The following RAB11FIP4 variants were observed in gnomAD, a reference collection of about 807,000 sequenced individuals.
RAB11FIP4 encodes RAB11 family interacting protein 4.
RAB11FIP4 carries 23 observed loss-of-function variants against 74.3 expected under a neutral mutation model. That is an observed-to-expected ratio of 0.31 (90% CI 0.22 to 0.44). RAB11FIP4 has a LOEUF of 0.44. Ranked by LOEUF, RAB11FIP4 falls within the 20% of genes least tolerant of loss-of-function variation. The probability of loss-of-function intolerance (pLI) is 1.00; values close to 1 mark genes in which losing one functional copy is unlikely to be tolerated. For missense variants in RAB11FIP4, 630 were observed against 863.9 expected (o/e 0.73, Z 3.39); for synonymous variants, 360 against 359.9 (o/e 1.00, Z 0.00).
intron 10 of RAB11FIP4, 88 bp from the exon 11 acceptor site, chr17:31,527,754 G>A (rs1000962856): frequency 1.1e-6 from 1 of 901,380 alleles, no homozygotes; most frequent in Non-Finnish European, 1.7e-6. Flanking sequence ...TCCTCTGGGA[G>A]GAAGCAGAGA....
chr17:31,531,765 C>A lies in RAB11FIP4; in HGVS notation c.*33C>A. 6.8e-7 allele frequency: 1 copy of A among 1,460,776 alleles called. No homozygotes were observed. Among genetic ancestry groups the A allele is most frequent in the Non-Finnish European group, 9.6e-7 (1 of 1,041,520 alleles). The allele number at this position is 1,460,776 out of a possible 1,614,324, so 90.5% of individuals were successfully genotyped here. A position where few individuals can be genotyped will look rare whatever the true frequency, so the allele number is the denominator to read the frequency against. ...GGCTGGCTGCAGAGCAGCCTTAGGA[C>A]CCTGGGACCAAGGGCAGACCCTGCC... On this transcript the variant is annotated 3_prime_UTR_variant, in exon 15 of 15. Transcript: ENST00000621161.
chr17:31,462,813 T>C (rs2071645782), intron 3 of RAB11FIP4, among the ~76,000 whole-genome samples: 1 of 152,070 alleles, frequency 6.6e-6, no homozygotes, highest in South Asian at 2.1e-4. Context: ...ATTTTTGTAT[T>C]TTAGTGGAGA....
At chr17:31,523,832 G>A (rs1044375147) in intron 8 of RAB11FIP4, 61 bp from the exon 9 acceptor site, 10 of 1,306,610 alleles carry the variant, frequency 7.7e-6, no homozygotes, top group African/African-American at 7.3e-5. Context: ...TCATGGCGTC[G>A]AGGTTCTCGG....
In RAB11FIP4 at chr17:31,460,804, C is replaced by T. The variant is rs563383862; in HGVS notation, c.336+26682C>T. Among the ~76,000 whole-genome samples the T allele has an allele frequency of 1.7e-4, 26 of 152,220 alleles. 1 individual carries two copies. The highest frequency in any genetic ancestry group is 1.2e-4 in the Non-Finnish European group (8 of 68,002). On this transcript the variant is annotated intron_variant, in intron 3 of 14. Coordinates refer to ENST00000621161, the MANE Select transcript of RAB11FIP4 (RefSeq NM_032932.6). Reference sequence around the variant, plus strand: ...GGAGTGCAGTGGTGTGATCCTAGCTCATTGCATCCTCCAAATCCTAGGCTC... The same window carrying T: ...GGAGTGCAGTGGTGTGATCCTAGCTTATTGCATCCTCCAAATCCTAGGCTC...
In RAB11FIP4 at chr17:31,531,746, C is replaced by T; in HGVS notation, c.*14C>T. 6.4e-7 allele frequency: 1 copy of T among 1,572,312 alleles called. No individual in the cohort carries two copies. ...ATCAAACACTAAGGCACGGGGCTGGCTGCAGAGCAGCCTTAGGACCCTGGG... is the reference window on the plus strand; with the variant it reads ...ATCAAACACTAAGGCACGGGGCTGGTTGCAGAGCAGCCTTAGGACCCTGGG... On this transcript the variant is annotated 3_prime_UTR_variant, in exon 15 of 15. Coordinates refer to ENST00000621161, the MANE Select transcript of RAB11FIP4 (RefSeq NM_032932.6).
chr17:31,472,260 A>G (rs1006475465), intron 3 of RAB11FIP4, among the ~76,000 whole-genome samples: 4 of 151,974 alleles, frequency 2.6e-5, no homozygotes, highest in Non-Finnish European at 5.9e-5. Context: ...TGGGCTCATA[A>G]AGAACCACTG....
intron 3 of RAB11FIP4, among the ~76,000 whole-genome samples, chr17:31,516,521 C>A (rs929576985): frequency 2.0e-5 from 3 of 152,222 alleles, no homozygotes; most frequent in African/African-American, 7.2e-5. Flanking sequence ...CCAGGCCGAA[C>A]TGCAGTGGCG....
intron 1 of RAB11FIP4, among the ~76,000 whole-genome samples, chr17:31,420,357 C>T (rs977909025): frequency 3.3e-5 from 5 of 151,840 alleles, no homozygotes; most frequent in Admixed American, 1.3e-4. Flanking sequence ...CACCCAACCC[C>T]GGTAGCTGGG....
chr17:31,430,352 A>ATTTTT (rs56078412), intron 1 of RAB11FIP4, among the ~76,000 whole-genome samples: 1 of 111,778 alleles, frequency 8.9e-6, no homozygotes, highest in Non-Finnish European at 1.7e-5. Context: ...TGGAGTTTGG[A>ATTTTT]TTTTTTTTTT....
At chr17:31,396,941 C>T (rs1231527113) in intron 1 of RAB11FIP4, among the ~76,000 whole-genome samples, 30 of 152,196 alleles carry the variant, frequency 2.0e-4, no homozygotes, top group Admixed American at 2.0e-3. Context: ...CAGGTCCCCT[C>T]TGAGCTAATG....
At chr17:31,409,673 T>G (rs1425188326) in intron 1 of RAB11FIP4, among the ~76,000 whole-genome samples, 1 of 152,222 alleles carries the variant, frequency 6.6e-6, no homozygotes, top group Non-Finnish European at 1.5e-5. Flanking sequence ...GTGATTCTCC[T>G]GGCATGAGGA....
At chr17:31,530,814 ACATTAG>A (rs1402623957) in intron 14 of RAB11FIP4, among the ~76,000 whole-genome samples, 1 of 152,180 alleles carries the variant, frequency 6.6e-6, no homozygotes, top group Non-Finnish European at 1.5e-5. Context: ...GAGAGGGAGG[ACATTAG>A]CATTTCCCCA....
intron 3 of RAB11FIP4, among the ~76,000 whole-genome samples, chr17:31,435,477 G>A (rs1423194107): frequency 6.6e-6 from 1 of 152,216 alleles, no homozygotes; most frequent in Non-Finnish European, 1.5e-5. Flanking sequence ...TGCACAAGCT[G>A]ACAACCAGCG....
chr17:31,422,642 TG>T, intron 1 of RAB11FIP4, among the ~76,000 whole-genome samples: 1 of 152,360 alleles, frequency 6.6e-6, no homozygotes, highest in Non-Finnish European at 1.5e-5. Flanking sequence ...CAATTTCTGT[TG>T]TTCTATCACT....
intron 1 of RAB11FIP4, among the ~76,000 whole-genome samples, chr17:31,425,527 C>T (rs900946856): frequency 5.3e-5 from 8 of 152,168 alleles, no homozygotes; most frequent in African/African-American, 1.9e-4. Flanking sequence ...GGCAACGAAG[C>T]TTTTTAACAT....
At chr17:31,440,003 A>C (rs62062340) in intron 3 of RAB11FIP4, among the ~76,000 whole-genome samples, 18,999 of 152,058 alleles carry the variant, frequency 0.12, 1,438 homozygotes, top group Non-Finnish European at 0.17. Context: ...TTGTTTTAGG[A>C]GTGTTTTATT....
intron 1 of RAB11FIP4, among the ~76,000 whole-genome samples, chr17:31,416,254 C>A (rs1333323950): frequency 6.6e-6 from 1 of 152,220 alleles, no homozygotes. Context: ...TTTCCACAAC[C>A]ACATACCCCC....
chr17:31,492,892 C>G (rs564483933), intron 3 of RAB11FIP4, among the ~76,000 whole-genome samples: 2 of 152,196 alleles, frequency 1.3e-5, no homozygotes, highest in East Asian at 3.9e-4. Flanking sequence ...TCAGAACCCC[C>G]CTGAGCACCC....
chr17:31,445,562 ATATATATATATATATATTT>A (rs1261838793), intron 3 of RAB11FIP4, among the ~76,000 whole-genome samples: 17 of 17,420 alleles, frequency 9.8e-4, no homozygotes, highest in South Asian at 2.2e-3. Context: ...ATATATATAT[ATATATATATATATATATTT>A]TTTTTTTTTT....
Sources: allele counts gnomAD v4.1 joint callset (sites outside exome capture counted in the v4.1 genomes callset), GRCh38; gene constraint gnomAD v4.1.1; transcripts MANE v1.5; gene names NCBI Gene and HGNC (gene_info 2026-07-23, HGNC 2026-07-21).